Variants in LAMA3 observed in about 807,000 individuals in gnomAD.
The protein encoded by LAMA3 is laminin subunit alpha 3.
LAMA3 carries 281 observed loss-of-function variants against 402.0 expected under a neutral mutation model. The observed-to-expected ratio is 0.70, with a 90% CI of 0.63 to 0.77. The LOEUF is 0.77. Ranked by LOEUF, LAMA3 falls within the 30% of genes least tolerant of loss-of-function variation. LAMA3 has a pLI of 0.00. For missense variants in LAMA3, 3,840 were observed against 4,215.5 expected (o/e 0.91, Z 2.47); for synonymous variants, 1,431 against 1,558.4 (o/e 0.92, Z 1.93).
chr18:23,871,019 T>C (rs190505498), intron 37 of LAMA3, among the ~76,000 whole-genome samples: 1 of 152,352 alleles, frequency 6.6e-6, no homozygotes, highest in East Asian at 1.9e-4. Flanking sequence ...ATATAAACGT[T>C]TGTGCAAGAA....
intron 51 of LAMA3, 49 bp from the exon 52 acceptor site, chr18:23,905,473 T>A (rs766339515): frequency 1.2e-5 from 12 of 1,031,842 alleles, no homozygotes; most frequent in African/African-American, 4.7e-5. Context: ...TATTCCATAT[T>A]TCGTAACATA....
At chr18:23,912,591 T>C (rs1434104583) in intron 55 of LAMA3, 120 bp from the exon 56 acceptor site, 3 of 808,640 alleles carry the variant, frequency 3.7e-6, no homozygotes, top group Non-Finnish European at 6.5e-6. Flanking sequence ...ATTCCCTTGC[T>C]CCTTATCATA....
intron 7 of LAMA3, among the ~76,000 whole-genome samples, chr18:23,760,511 G>A (rs1052684879): frequency 1.7e-4 from 26 of 152,200 alleles, no homozygotes; most frequent in African/African-American, 6.3e-4. Flanking sequence ...AAATTTTGAT[G>A]TAATTAGAAT....
At chr18:23,876,050 T>C (rs962069202) in intron 38 of LAMA3, among the ~76,000 whole-genome samples, 2 of 152,228 alleles carry the variant, frequency 1.3e-5, no homozygotes, top group South Asian at 2.1e-4. Flanking sequence ...GTGGTGCACA[T>C]GCCTGTGGTT....
Position 23,905,604 on chromosome 18 carries a change from C to T in LAMA3, c.6698C>T (p.Thr2233Ile). 6.2e-7 allele frequency: 1 copy of T among 1,608,138 alleles called. No individual in the cohort carries two copies. The highest frequency in any genetic ancestry group is 8.5e-7 in the Non-Finnish European group (1 of 1,175,090). Residue 2233 changes from threonine to isoleucine, a missense_variant, in exon 52 of 75, where the codon ACA becomes ATA. Transcript: ENST00000313654. ...AAACTGTTAAATGAAGCCAAGATGACACAAAAGAAGCTAAAGCAAGGTATT... is the reference window on the plus strand; with the variant it reads ...AAACTGTTAAATGAAGCCAAGATGATACAAAAGAAGCTAAAGCAAGGTATT... ...SDKLLNEAKM[T>I]QKKLKQEVSP...
At chr18:23,876,118 T>C (rs949811928) in intron 38 of LAMA3, among the ~76,000 whole-genome samples, 176 bp from the exon 39 acceptor site, 26 of 152,280 alleles carry the variant, frequency 1.7e-4, no homozygotes, top group Non-Finnish European at 3.2e-4. Flanking sequence ...CCCAAGACTC[T>C]AGTGGACTAT....
chr18:23,878,143 T>C (rs1347394475), intron 39 of LAMA3, among the ~76,000 whole-genome samples: 1 of 152,164 alleles, frequency 6.6e-6, no homozygotes, highest in African/African-American at 2.4e-5. Flanking sequence ...AGAATAAATA[T>C]GTTATCAGTG....
intron 2 of LAMA3, among the ~76,000 whole-genome samples, chr18:23,715,811 T>TA (rs1363547691): frequency 6.6e-6 from 1 of 152,148 alleles, no homozygotes; most frequent in African/African-American, 2.4e-5. Context: ...ACAGTTCATA[T>TA]AAAAAATACT....
intron 29 of LAMA3, among the ~76,000 whole-genome samples, chr18:23,844,584 C>T (rs2063772998): frequency 6.6e-6 from 1 of 152,196 alleles, no homozygotes; most frequent in African/African-American, 2.4e-5. Context: ...GTGGACTGAG[C>T]CTTTACTCCT....
intron 2 of LAMA3, among the ~76,000 whole-genome samples, chr18:23,726,953 G>T (rs375368747): frequency 1.2e-4 from 18 of 152,242 alleles, no homozygotes; most frequent in East Asian, 3.9e-4. Context: ...TTTATTTGTT[G>T]TTGTTGAATT....
rs955998 is a variant in LAMA3 at position 23,859,123 on chromosome 18, A to G, written c.4422+294A>G. On this transcript the variant is annotated intron_variant, in intron 34 of 74. Transcript: ENST00000313654. ...TTATTGCCCTTCTTCTTCCATCCCTAGAATGGTGAGTTCGCTGATACACCC... is the reference window on the plus strand; with the variant it reads ...TTATTGCCCTTCTTCTTCCATCCCTGGAATGGTGAGTTCGCTGATACACCC... Among the ~76,000 whole-genome samples, 23,578 of 152,106 alleles carry G rather than the reference A, an allele frequency of 0.16. 4,082 individuals carry two copies. Among genetic ancestry groups the G allele is most frequent in the African/African-American group, 0.41 (17,123 of 41,406 alleles).
intron 8 of LAMA3, among the ~76,000 whole-genome samples, chr18:23,764,642 G>A (rs1050762726): frequency 1.3e-5 from 2 of 149,682 alleles, no homozygotes; most frequent in Admixed American, 6.6e-5. Flanking sequence ...TTATTTGGGT[G>A]TACTGCATTT....
At chr18:23,742,260 T>G (rs1380357722) in intron 2 of LAMA3, among the ~76,000 whole-genome samples, 1 of 152,142 alleles carries the variant, frequency 6.6e-6, no homozygotes, top group African/African-American at 2.4e-5. Flanking sequence ...TGTGGGACAT[T>G]TTGGACTGTT....
intron 44 of LAMA3, among the ~76,000 whole-genome samples, chr18:23,896,162 T>C (rs370473721): frequency 6.6e-6 from 1 of 151,834 alleles, no homozygotes; most frequent in African/African-American, 2.4e-5. Context: ...ATGGTGAAAC[T>C]CCAACTCTAC....
chr18:23,773,766 A>G (rs886986034), intron 9 of LAMA3, among the ~76,000 whole-genome samples, 179 bp downstream of exon 9: 1 of 152,222 alleles, frequency 6.6e-6, no homozygotes, highest in African/African-American at 2.4e-5. Context: ...GATTTATTGC[A>G]TGTAAATGGA....
chr18:23,882,621 A>G (rs988420184), intron 40 of LAMA3, among the ~76,000 whole-genome samples: 1 of 152,064 alleles, frequency 6.6e-6, no homozygotes, highest in African/African-American at 2.4e-5. Flanking sequence ...AAAAAAAAAA[A>G]AAAAGAAAAC....
intron 34 of LAMA3, among the ~76,000 whole-genome samples, chr18:23,860,836 G>A (rs912142212): frequency 2.0e-5 from 3 of 151,680 alleles, no homozygotes; most frequent in Admixed American, 6.6e-5. Context: ...TGGAATTACA[G>A]GCATGCCCCA....
intron 2 of LAMA3, among the ~76,000 whole-genome samples, chr18:23,738,893 G>A (rs1366144415): frequency 6.6e-6 from 1 of 152,200 alleles, no homozygotes; most frequent in African/African-American, 2.4e-5. Context: ...TACCTGCCAG[G>A]GGAGCTGAAA....
chr18:23,807,457 A>AGT (rs35332291), intron 12 of LAMA3, among the ~76,000 whole-genome samples: 3,255 of 149,028 alleles, frequency 0.022, 105 homozygotes, highest in African/African-American at 0.068. Context: ...ATATTGTGTG[A>AGT]GTGTGTGTGT....
Sources: allele counts gnomAD v4.1 joint callset (sites outside exome capture counted in the v4.1 genomes callset), GRCh38; gene constraint gnomAD v4.1.1; transcripts MANE v1.5; gene names NCBI Gene and HGNC (gene_info 2026-07-23, HGNC 2026-07-21).